The following PDGFA variants were observed in gnomAD, a reference collection of about 807,000 sequenced individuals.
The protein encoded by PDGFA is platelet derived growth factor subunit A.
PDGFA carries 9 observed loss-of-function variants against 25.6 expected under a neutral mutation model. The ratio of observed to expected loss-of-function variants is 0.35; its 90% CI spans 0.21 to 0.61. The LOEUF (loss-of-function observed/expected upper bound fraction) is 0.61. Ranked by LOEUF, PDGFA falls within the 20% of genes least tolerant of loss-of-function variation. PDGFA has a pLI of 0.75. For missense variants in PDGFA, 242 were observed against 272.8 expected, an observed-to-expected ratio of 0.89 and a Z score of 0.79; for synonymous variants, 133 against 111.8, an observed-to-expected ratio of 1.19 and a Z score of -1.20.
In PDGFA at chr7:512,335, G is replaced by A. The variant is rs552194268; in HGVS notation, c.265+16C>T. On this transcript the variant is annotated intron_variant, in intron 3 of 5. Coordinates refer to ENST00000402802, the Ensembl canonical transcript of PDGFA. The stretch of plus-strand genomic sequence containing the variant: ...GACCCGGCCCTGCCCTGCCCATCGC[G>A]GCCTCCTGGACTCACCGATGCTTCT... The A allele has an allele frequency of 1.4e-4, 224 of 1,604,794 alleles. 1 individual carries two copies. Among genetic ancestry groups the A allele is most frequent in the South Asian group, 5.3e-4 (48 of 90,202 alleles).
At chr7:519,652 G>A (rs1171639163), upstream of PDGFA, among the ~76,000 whole-genome samples, 1 of 145,126 alleles carries the variant, frequency 6.9e-6, no homozygotes, top group Non-Finnish European at 1.5e-5. Flanking sequence ...GCCGGGGCCG[G>A]GCAGCGCCCG....
chr7:510,893 GCAC>G, exon 4 of PDGFA: 1 of 1,612,294 alleles, frequency 6.2e-7, no homozygotes, highest in Non-Finnish European at 8.5e-7. Context: ...TCACCTCCAC[GCAC>G]GGGGGCCAGA....
chr7:501,631 G>A lies in PDGFA; in HGVS notation c.454-389C>T, dbSNP rs554923395. Among the ~76,000 whole-genome samples the A allele has an allele frequency of 5.3e-5, 8 of 152,090 alleles. No homozygotes were observed. In the Middle Eastern group the frequency reaches 0.01, roughly 195 times the overall value. On this transcript the variant is annotated intron_variant, in intron 4 of 5. Coordinates refer to ENST00000402802, the Ensembl canonical transcript of PDGFA. ...AGAGATGAGATCTCGCTATGTTGCCGAGGTTGATGTTGAACTCCTGGACTC... is the reference window on the plus strand; with the variant it reads ...AGAGATGAGATCTCGCTATGTTGCCAAGGTTGATGTTGAACTCCTGGACTC...
chr7:508,590 T>TAAAAAGC (rs1275774675), intron 4 of PDGFA, among the ~76,000 whole-genome samples: 1 of 130,898 alleles, frequency 7.6e-6, no homozygotes, highest in Non-Finnish European at 1.6e-5. Flanking sequence ...AAAAAAAAAT[T>TAAAAAGC]CTCAGCTGAG....
chr7:504,622 C>T (rs113473564), intron 4 of PDGFA, among the ~76,000 whole-genome samples: 1,614 of 152,356 alleles, frequency 0.011, 28 homozygotes, highest in African/African-American at 0.037. Flanking sequence ...CCAGCCTCTG[C>T]AGGGGTGGCC....
At position 503,091 on chromosome 7, in the gene PDGFA, C is replaced by A. The variant is rs1352492857; in HGVS notation, c.454-1849G>T. Among the ~76,000 whole-genome samples, 3 of 152,172 alleles carry A rather than the reference C, an allele frequency of 2.0e-5. No individual in the cohort carries two copies. The East Asian group carries it at 5.8e-4, about 29-fold the overall frequency. ...CCCAGCACTCATTTCATCCTCCCAACCATGCTACAAGGAGGCAAGACTGGC... is the reference window on the plus strand; with the variant it reads ...CCCAGCACTCATTTCATCCTCCCAAACATGCTACAAGGAGGCAAGACTGGC... On this transcript the variant is annotated intron_variant, in intron 4 of 5. Coordinates refer to ENST00000402802, the Ensembl canonical transcript of PDGFA.
chr7:512,605 G>T, intron 2 of PDGFA, 150 bp from the exon 3 acceptor site: 1 of 1,542,428 alleles, frequency 6.5e-7, no homozygotes. Flanking sequence ...GCCATTAGGG[G>T]CCCTCCAGGA....
exon 4 of PDGFA, chr7:510,931 C>T (rs765915283): frequency 3.1e-6 from 5 of 1,612,704 alleles, no homozygotes; most frequent in Non-Finnish European, 4.2e-6. Flanking sequence ...GACGTGGGGT[C>T]GACCTGACTC....
At chr7:510,787 G>C in intron 4 of PDGFA, 22 bp downstream of exon 4, 1 of 1,127,832 alleles carries the variant, frequency 8.9e-7, no homozygotes. Context: ...GGGAGGGGAG[G>C]GGAGGGGAGG....
Position 500,662 on chromosome 7 carries a change from C to A in PDGFA, c.580+454G>T. 6.8e-7 allele frequency: 1 copy of A among 1,463,754 alleles called. No homozygotes were observed. Among genetic ancestry groups the A allele is most frequent in the East Asian group, 2.5e-5 (1 of 40,422 alleles). The allele number at this position is 1,463,754 out of a possible 1,614,324, so 90.7% of individuals were successfully genotyped here. A position where few individuals can be genotyped will look rare whatever the true frequency, so the allele number is the denominator to read the frequency against. On this transcript the variant is annotated intron_variant, in intron 5 of 5. Transcript: ENST00000402802. The surrounding 1 kb of genome is among the most constrained non-coding windows in gnomAD (Gnocchi z 5.0). ...GTCCCCTCATGCTCCCAGGGCCCAGCCATAGCAGGGCACAGAAGCCATTCT... is the reference window on the plus strand; with the variant it reads ...GTCCCCTCATGCTCCCAGGGCCCAGACATAGCAGGGCACAGAAGCCATTCT...
chr7:516,948 G>A (rs1385552513), intron 2 of PDGFA, among the ~76,000 whole-genome samples: 1 of 151,832 alleles, frequency 6.6e-6, no homozygotes, highest in South Asian at 2.1e-4. Context: ...GCCCTGACCC[G>A]GGGGCCGCCT....
At chr7:507,316 C>T (rs950409982) in intron 4 of PDGFA, among the ~76,000 whole-genome samples, 1 of 152,220 alleles carries the variant, frequency 6.6e-6, no homozygotes, top group Non-Finnish European at 1.5e-5. Flanking sequence ...GCCCTGAGGC[C>T]TTAGGACACC....
chr7:505,254 A>AT (rs1237968605), intron 4 of PDGFA, among the ~76,000 whole-genome samples: 2 of 152,118 alleles, frequency 1.3e-5, no homozygotes, highest in Non-Finnish European at 2.9e-5. Context: ...AGCCCAAGTG[A>AT]TGGGGGGGGT....
At chr7:499,731 C>A (rs1003749298) in intron 5 of PDGFA, among the ~76,000 whole-genome samples, 3 of 94,546 alleles carry the variant, frequency 3.2e-5, no homozygotes, top group Admixed American at 9.0e-5. Context: ...CCCCCCCCCC[C>A]CCGCTCACTC....
chr7:515,621 A>G (rs1783052897), intron 2 of PDGFA, among the ~76,000 whole-genome samples: 2 of 152,072 alleles, frequency 1.3e-5, no homozygotes, highest in Admixed American at 1.3e-4. Flanking sequence ...ACACTAGGAG[A>G]ATCCTATTCA....
chr7:509,472 G>A (rs140899008), intron 4 of PDGFA, among the ~76,000 whole-genome samples: 2,358 of 152,124 alleles, frequency 0.016, 70 homozygotes, highest in African/African-American at 0.054. Context: ...TGTATTTCTT[G>A]TAGAGATGGG....
At chr7:499,608 C>A (rs962491852) in intron 5 of PDGFA, among the ~76,000 whole-genome samples, 1 of 150,816 alleles carries the variant, frequency 6.6e-6, no homozygotes, top group Non-Finnish European at 1.5e-5. Flanking sequence ...ACATGTCTTG[C>A]TAGGAGACAT....
chr7:508,774 C>T (rs1034830144), intron 4 of PDGFA, among the ~76,000 whole-genome samples: 1 of 152,082 alleles, frequency 6.6e-6, no homozygotes, highest in Non-Finnish European at 1.5e-5. Context: ...GCCCATCCCT[C>T]CCAGATGGGA....
At position 501,105 on chromosome 7, in the gene PDGFA, C is replaced by T. The variant is rs751658521; in HGVS notation, c.580+11G>A. 6.2e-7 allele frequency: 1 copy of T among 1,614,142 alleles called. No individual in the cohort carries two copies. ...TCTCCAACACCGATGCCGACGAAGG[C>T]AGCCACTCACCCGTGTCCTCTTCCC... On this transcript the variant is annotated intron_variant, in intron 5 of 5. Transcript: ENST00000402802.
Sources: allele counts gnomAD v4.1 joint callset (sites outside exome capture counted in the v4.1 genomes callset), GRCh38; gene constraint gnomAD v4.1.1; non-coding constraint Gnocchi (gnomAD v3.1); transcripts MANE v1.5; gene names NCBI Gene and HGNC (gene_info 2026-07-23, HGNC 2026-07-21).